TF: variants seen among roughly 807,000 people sequenced by gnomAD.
TF encodes the protein serotransferrin.
A neutral mutation model predicts 82.4 loss-of-function variants in TF; 55 were observed. The observed-to-expected ratio is 0.67, with a 90% CI of 0.54 to 0.84. The LOEUF is 0.84. Ranked by LOEUF, TF falls within the 40% of genes least tolerant of loss-of-function variation. TF has a pLI of 0.00. For missense variants in TF, 737 were observed against 868.4 expected (o/e 0.85, Z 1.90); for synonymous variants, 332 against 332.6 (o/e 1.00, Z 0.02).
At chr3:133,730,794 C>CACAAAA in the TF span, among the ~76,000 whole-genome samples, 5 of 152,196 alleles carry the variant, frequency 3.3e-5, no homozygotes, top group Admixed American at 2.0e-4. Context: ...GCATTCATAG[C>CACAAAA]TTCAGTTCAG....
At chr3:133,662,948 C>T in the TF span, among the ~76,000 whole-genome samples, 2 of 152,036 alleles carry the variant, frequency 1.3e-5, no homozygotes, top group African/African-American at 2.4e-5. Flanking sequence ...TTGAATACAC[C>T]GATGGAAGGT....
the TF span, among the ~76,000 whole-genome samples, chr3:133,667,043 GA>G: frequency 0.01 from 1,387 of 135,980 alleles, 5 homozygotes; most frequent in African/African-American, 0.013. Context: ...CTCAGAAAAA[GA>G]AAAAAAAAAA....
At position 133,786,230 on chromosome 3, in the gene TF, A is replaced by AAAAAC. The variant is rs1934679998; in HGVS notation, c.*7614_*7615insCAAAA. On this transcript the variant is annotated 3_prime_UTR_variant, in exon 17 of 17. Transcript: ENST00000402696. ...TCAATAAAAAAATAAATTAAAAAAA[A>AAAAAC]AAAAAAAAAACAATACTATTTTTTG... is the stretch of plus-strand genomic sequence containing the variant. The AAAAAC allele has an allele frequency of 1.3e-5, 1 of 77,142 alleles. No individual in the cohort carries two copies. Among genetic ancestry groups the AAAAAC allele is most frequent in the African/African-American group, 3.5e-5 (1 of 28,720 alleles). The allele number at this position is 77,142 out of a possible 1,614,324, so 4.8% of individuals were successfully genotyped here.
Position 133,755,347 on chromosome 3 carries a change from T to C in TF, c.503-16T>C. The C allele has an allele frequency of 6.2e-7, 1 of 1,614,186 alleles. No individual in the cohort carries two copies. The highest frequency in any genetic ancestry group is 8.5e-7 in the Non-Finnish European group (1 of 1,180,036). On this transcript the variant is annotated splice_polypyrimidine_tract_variant and intron_variant, in intron 4 of 16. Transcript: ENST00000402696. The stretch of plus-strand genomic sequence containing the variant: ...CCTCACTCATGCTCTGTTGTCCATT[T>C]CTCTGTGCTGAGCAGCAGTGGCCAA...
the TF span, chr3:133,688,465 A>C: frequency 6.6e-6 from 1 of 152,228 alleles, no homozygotes; most frequent in Non-Finnish European, 1.5e-5. Flanking sequence ...CACAGGAACC[A>C]GACCATGCTT....
chr3:133,711,914 C>T, the TF span, among the ~76,000 whole-genome samples: 21 of 152,044 alleles, frequency 1.4e-4, no homozygotes, highest in African/African-American at 4.1e-4. Context: ...CTCTCTGTGC[C>T]GTGCCTCCAC....
the TF span, among the ~76,000 whole-genome samples, chr3:133,664,610 G>T: frequency 6.6e-6 from 1 of 152,104 alleles, no homozygotes; most frequent in Non-Finnish European, 1.5e-5. Flanking sequence ...ATAAGTCACT[G>T]CGCCTGGCCA....
At chr3:133,746,158 A>G (rs1230056317), upstream of TF, 6 of 537,800 alleles carry the variant, frequency 1.1e-5, no homozygotes, top group South Asian at 2.0e-5. Context: ...CGCGATGACA[A>G]TGGCTGCATT....
chr3:133,725,668 C>T, the TF span, among the ~76,000 whole-genome samples: 1 of 151,812 alleles, frequency 6.6e-6, no homozygotes, highest in Non-Finnish European at 1.5e-5. Flanking sequence ...TGCCTAATTG[C>T]CCTGGCCAGA....
At chr3:133,674,935 TTCACA>T in the TF span, among the ~76,000 whole-genome samples, 17 of 152,218 alleles carry the variant, frequency 1.1e-4, no homozygotes, top group Non-Finnish European at 2.5e-4. Flanking sequence ...GAGAATGCTT[TTCACA>T]TCTTTAAATG....
At position 133,759,249 on chromosome 3, in the gene TF, G is replaced by C. The variant is rs1177761100; in HGVS notation, c.1123G>C (p.Asp375His). 2 of 1,614,158 alleles carry C rather than the reference G, an allele frequency of 1.2e-6. No individual in the cohort carries two copies. Among genetic ancestry groups the C allele is most frequent in the Non-Finnish European group, 1.7e-6 (2 of 1,180,040 alleles). ...GAGCCACCACGAGAGGCTCAAGTGT[G>C]ATGAGTGGAGTGTTAACAGTGTAGG... is the stretch of plus-strand genomic sequence containing the variant. Reference protein sequence around the residue: ...ALSHHERLKCDEWSVNSVGKI... With the variant: ...ALSHHERLKCHEWSVNSVGKI... The change falls in exon 9 of 17, where the codon GAT (aspartate) becomes CAT (histidine). Residue 375 changes from aspartate to histidine, a missense_variant. Coordinates refer to ENST00000402696, the MANE Select transcript of TF (RefSeq NM_001063.4).
At chr3:133,697,091 G>A in the TF span, among the ~76,000 whole-genome samples, 10 of 152,266 alleles carry the variant, frequency 6.6e-5, no homozygotes, top group African/African-American at 2.2e-4. Context: ...TGACTTCAGT[G>A]TCCTTTGTTC....
chr3:133,670,731 A>G, the TF span, among the ~76,000 whole-genome samples: 1 of 152,290 alleles, frequency 6.6e-6, no homozygotes, highest in East Asian at 1.9e-4. Context: ...AGTATTTTCC[A>G]ACCTTGTGTT....
chr3:133,738,711 C>G, the TF span, among the ~76,000 whole-genome samples: 1 of 152,272 alleles, frequency 6.6e-6, no homozygotes, highest in African/African-American at 2.4e-5. Flanking sequence ...CTCCCATTCA[C>G]AATTGCTACA....
the TF span, among the ~76,000 whole-genome samples, chr3:133,723,892 G>A: frequency 6.6e-6 from 1 of 151,816 alleles, no homozygotes; most frequent in Non-Finnish European, 1.5e-5. Flanking sequence ...ATCTATGAGT[G>A]AGAACATGTG....
intron 13 of TF, among the ~76,000 whole-genome samples, chr3:133,769,742 A>G (rs1934214362): frequency 6.6e-6 from 1 of 152,248 alleles, no homozygotes; most frequent in Non-Finnish European, 1.5e-5. Flanking sequence ...CACTCGGCTC[A>G]TTGAGGAGGG....
At chr3:133,695,336 C>CT in the TF span, among the ~76,000 whole-genome samples, 1 of 151,068 alleles carries the variant, frequency 6.6e-6, no homozygotes, top group Non-Finnish European at 1.5e-5. Context: ...CAACCTCCGC[C>CT]TCCTGGGTTC....
the TF span, among the ~76,000 whole-genome samples, chr3:133,737,392 C>T: frequency 6.6e-6 from 1 of 151,888 alleles, no homozygotes; most frequent in African/African-American, 2.4e-5. Flanking sequence ...ACTCTAACAT[C>T]ACAATTAAAA....
chr3:133,719,800 A>G, the TF span, among the ~76,000 whole-genome samples: 1 of 152,044 alleles, frequency 6.6e-6, no homozygotes, highest in Admixed American at 6.5e-5. Flanking sequence ...ACAGTTTTAT[A>G]GTTTTTAGTG....
Sources: allele counts gnomAD v4.1 joint callset (sites outside exome capture counted in the v4.1 genomes callset), GRCh38; gene constraint gnomAD v4.1.1; transcripts MANE v1.5; gene names NCBI Gene and HGNC (gene_info 2026-07-23, HGNC 2026-07-21).